SH3GL2: variants seen among roughly 807,000 people sequenced by gnomAD.
SH3GL2 encodes the protein endophilin-A1.
Under a neutral mutation model 46.0 loss-of-function variants are expected in SH3GL2, and 24 were observed. The observed-to-expected ratio is 0.52, with a 90% CI of 0.38 to 0.73. SH3GL2 has a LOEUF of 0.73. Among genes scored for constraint, SH3GL2 ranks in the 30% least tolerant of loss-of-function variants. The pLI is 0.00. For synonymous variants in SH3GL2, 196 were observed against 147.1 expected (o/e 1.33, Z -2.40); for missense variants, 413 against 424.2 (o/e 0.97, Z 0.23).
At chr9:17,584,271 C>G (rs552128644) in intron 1 of SH3GL2, among the ~76,000 whole-genome samples, 3 of 152,096 alleles carry the variant, frequency 2.0e-5, no homozygotes, top group Non-Finnish European at 4.4e-5. Flanking sequence ...GAGGCCAAGG[C>G]GGGCGGATCA....
chr9:17,794,384 A>G (rs1363754630), intron 8 of SH3GL2, among the ~76,000 whole-genome samples: 1 of 152,132 alleles, frequency 6.6e-6, no homozygotes, highest in Non-Finnish European at 1.5e-5. Context: ...CTTATTAAGA[A>G]AAAAAGCGAG....
chr9:17,690,823 A>C (rs993248067), intron 1 of SH3GL2, among the ~76,000 whole-genome samples: 1 of 152,110 alleles, frequency 6.6e-6, no homozygotes, highest in Non-Finnish European at 1.5e-5. Context: ...GAGAATCATT[A>C]TTTATCCTCT....
At chr9:17,646,359 C>G (rs1002907483) in intron 1 of SH3GL2, among the ~76,000 whole-genome samples, 7 of 152,092 alleles carry the variant, frequency 4.6e-5, no homozygotes, top group South Asian at 2.1e-4. Context: ...AACCCACCTT[C>G]TGAAGCCTAC....
intron 3 of SH3GL2, among the ~76,000 whole-genome samples, chr9:17,784,685 T>G (rs1463061070): frequency 6.6e-6 from 1 of 152,100 alleles, no homozygotes; most frequent in African/African-American, 2.4e-5. Context: ...CAGAAAATAA[T>G]GATATTGTTC....
intron 1 of SH3GL2, among the ~76,000 whole-genome samples, chr9:17,679,715 A>G (rs143844994): frequency 0.025 from 3,797 of 152,284 alleles, 64 homozygotes; most frequent in African/African-American, 0.032. Flanking sequence ...CGAGTTTTCA[A>G]AGGGAATGCT....
chr9:17,581,329 A>G (rs1220704600), intron 1 of SH3GL2, among the ~76,000 whole-genome samples: 3 of 152,210 alleles, frequency 2.0e-5, no homozygotes, highest in Non-Finnish European at 4.4e-5. Context: ...GATACGGTTA[A>G]TGTTTATCAC....
At chr9:17,643,286 G>C (rs979326674) in intron 1 of SH3GL2, among the ~76,000 whole-genome samples, 3 of 152,132 alleles carry the variant, frequency 2.0e-5, no homozygotes, top group African/African-American at 7.2e-5. Flanking sequence ...AGGAGTTTTT[G>C]GACTGAGACG....
chr9:17,727,575 T>C (rs1432007272), intron 1 of SH3GL2, among the ~76,000 whole-genome samples: 1 of 152,128 alleles, frequency 6.6e-6, no homozygotes, highest in East Asian at 1.9e-4. Context: ...CCAGGAGTTA[T>C]TCTTGTGCCT....
intron 1 of SH3GL2, among the ~76,000 whole-genome samples, chr9:17,656,593 T>C (rs534920385): frequency 6.6e-6 from 1 of 152,024 alleles, no homozygotes; most frequent in Non-Finnish European, 1.5e-5. Context: ...CTACTTATTC[T>C]CTTAGTCATG....
At chr9:17,591,905 A>G (rs967823193) in intron 1 of SH3GL2, among the ~76,000 whole-genome samples, 3 of 152,178 alleles carry the variant, frequency 2.0e-5, no homozygotes, top group Non-Finnish European at 4.4e-5. Context: ...ATTCAGTTGT[A>G]TCTTCATGAC....
chr9:17,769,476 C>A (rs995300172), intron 3 of SH3GL2, among the ~76,000 whole-genome samples: 2 of 152,128 alleles, frequency 1.3e-5, no homozygotes, highest in Admixed American at 1.3e-4. Context: ...TTGTAACTCT[C>A]CACTGGCTTC....
intron 1 of SH3GL2, among the ~76,000 whole-genome samples, chr9:17,715,222 C>A (rs1821720996): frequency 6.9e-6 from 1 of 145,248 alleles, no homozygotes; most frequent in African/African-American, 2.5e-5. Flanking sequence ...TGGGTTCTCA[C>A]TTTGTTGCTC....
chr9:17,618,357 A>T (rs558875078), intron 1 of SH3GL2, among the ~76,000 whole-genome samples: 2 of 152,148 alleles, frequency 1.3e-5, no homozygotes, highest in Non-Finnish European at 2.9e-5. Flanking sequence ...CCAGGGTTGG[A>T]GAGTTAGGAA....
intron 2 of SH3GL2, among the ~76,000 whole-genome samples, chr9:17,756,901 A>G (rs1227294900): frequency 2.0e-5 from 3 of 152,188 alleles, no homozygotes; most frequent in South Asian, 4.1e-4. Context: ...GAATTGCCAC[A>G]CTGTCTTCCA....
chr9:17,692,042 G>C (rs1032653368), intron 1 of SH3GL2, among the ~76,000 whole-genome samples: 2 of 152,082 alleles, frequency 1.3e-5, no homozygotes, highest in East Asian at 3.9e-4. Flanking sequence ...GGCATGACCT[G>C]TGTGCACATT....
At chr9:17,622,986 G>GTTCCGTTCCTTTCCTTTCCTTTCCTTTCC (rs1554631076) in intron 1 of SH3GL2, among the ~76,000 whole-genome samples, 1 of 99,352 alleles carries the variant, frequency 1.0e-5, no homozygotes, top group Admixed American at 1.0e-4. Context: ...GTTTCCTTTC[G>GTTCCGTTCCTTTCCTTTCCTTTCCTTTCC]TTTCCTTTCC....
chr9:17,696,803 C>G (rs1054236508), intron 1 of SH3GL2, among the ~76,000 whole-genome samples: 1 of 152,098 alleles, frequency 6.6e-6, no homozygotes, highest in Admixed American at 6.6e-5. Context: ...TTTGGATTAT[C>G]CCTTCCTTTT....
chr9:17,752,185 G>A (rs1440469006), intron 2 of SH3GL2, among the ~76,000 whole-genome samples: 2 of 152,164 alleles, frequency 1.3e-5, no homozygotes, highest in African/African-American at 2.4e-5. Context: ...TGAGTCAGCA[G>A]GGGACTATTA....
At chr9:17,654,240 A>C (rs915570434) in intron 1 of SH3GL2, among the ~76,000 whole-genome samples, 1 of 152,184 alleles carries the variant, frequency 6.6e-6, no homozygotes, top group Non-Finnish European at 1.5e-5. Context: ...AGACTGAATC[A>C]TCCTTTCTCT....
Sources: gnomAD v4.1 joint callset for allele counts (sites outside exome capture counted in the v4.1 genomes callset) on GRCh38, gnomAD v4.1.1 for gene constraint, MANE v1.5 for transcripts, NCBI Gene and HGNC (gene_info 2026-07-23, HGNC 2026-07-21) for gene names.